The following CCNC variants were observed in gnomAD, a reference collection of about 807,000 sequenced individuals.
The protein encoded by CCNC is cyclin C, also known as cyclin-C.
Under a neutral mutation model 50.0 loss-of-function variants are expected in CCNC, and 19 were observed. The observed-to-expected ratio is 0.38, with a 90% CI of 0.27 to 0.56. The LOEUF (loss-of-function observed/expected upper bound fraction) is 0.56. Among genes scored for constraint, CCNC ranks in the 20% least tolerant of loss-of-function variants. The pLI is 0.72. For missense variants in CCNC, 200 were observed against 327.1 expected, an observed-to-expected ratio of 0.61 and a Z score of 3.00; for synonymous variants, 93 against 103.7, an observed-to-expected ratio of 0.90 and a Z score of 0.63.
Position 99,549,586 on chromosome 6 carries a change from G to A in CCNC, c.531-11C>T. The A allele has an allele frequency of 6.5e-7, 1 of 1,547,166 alleles. No individual in the cohort carries two copies. Among genetic ancestry groups the A allele is most frequent in the Non-Finnish European group, 8.9e-7 (1 of 1,121,436 alleles). Reference sequence around the variant, plus strand: ...TCATTCACTATCCTCCTATAGAAATGTAAATCATATTATTACTGAAAGCAG... The same window carrying A: ...TCATTCACTATCCTCCTATAGAAATATAAATCATATTATTACTGAAAGCAG... On this transcript the variant is annotated splice_polypyrimidine_tract_variant and intron_variant, in intron 8 of 11. Transcript: ENST00000520429.
At chr6:99,561,816 T>C (rs1802792893) in intron 2 of CCNC, 135 bp from the exon 3 acceptor site, 2 of 580,942 alleles carry the variant, frequency 3.4e-6, no homozygotes, top group Non-Finnish European at 6.1e-6. Context: ...ACATGCTCTA[T>C]GTGAGTCACA....
chr6:99,561,336 C>G (rs774595092), intron 4 of CCNC, 31 bp downstream of exon 4: 2 of 1,471,690 alleles, frequency 1.4e-6, no homozygotes, highest in Non-Finnish European at 1.9e-6. Flanking sequence ...ATTGACTACA[C>G]TTTGATGAAG....
Position 99,551,901 on chromosome 6 carries a change from G to T in CCNC, c.347-6C>A. The stretch of plus-strand genomic sequence containing the variant: ...ATATGAAAATCTAGTTTTTACTGCA[G>T]AAAATAAAAAAAAAATTTAAACTGA... On this transcript the variant is annotated splice_polypyrimidine_tract_variant and splice_region_variant and intron_variant, in intron 5 of 11. Coordinates refer to ENST00000520429, the MANE Select transcript of CCNC (RefSeq NM_005190.4). 1 of 1,401,806 alleles carries T rather than the reference G, an allele frequency of 7.1e-7. No individual in the cohort carries two copies. Among genetic ancestry groups the T allele is most frequent in the South Asian group, 1.4e-5 (1 of 70,546 alleles). 86.8% of individuals were successfully genotyped at this position (1,401,806 alleles called of 1,614,324 possible). A position where few individuals can be genotyped will look rare whatever the true frequency, so the allele number is the denominator to read the frequency against.
chr6:99,543,666 C>T (rs1801959824), intron 11 of CCNC, 57 bp from the exon 12 acceptor site: 1 of 1,598,132 alleles, frequency 6.3e-7, no homozygotes, highest in Admixed American at 1.7e-5. Context: ...ATTTTTACAC[C>T]CTGATAAGCC....
At chr6:99,561,554 C>T (rs745642837) in intron 3 of CCNC, 43 bp downstream of exon 3, 4 of 1,445,980 alleles carry the variant, frequency 2.8e-6, no homozygotes, top group East Asian at 4.6e-5. Flanking sequence ...GGTTCATCAA[C>T]ATTAGATAAG....
rs114389754 is a variant in CCNC at position 99,550,943 on chromosome 6, C to T, written c.438+50G>A. The T allele has an allele frequency of 1.6e-3, 1,494 of 907,938 alleles. 23 individuals are homozygous for T. In the African/African-American group the frequency reaches 0.023, roughly 14 times the overall value. 56.2% of individuals were successfully genotyped at this position (907,938 alleles called of 1,614,324 possible). A position where few individuals can be genotyped will look rare whatever the true frequency, so the allele number is the denominator to read the frequency against. On this transcript the variant is annotated intron_variant, in intron 7 of 11. Coordinates refer to ENST00000520429, the MANE Select transcript of CCNC (RefSeq NM_005190.4). ...CATTTCTTTAAATAATTTCCAACTT[C>T]ATTTAATTTAAAAATGTTTTAATCT...
intron 1 of CCNC, chr6:99,567,969 C>G (rs1250611584): frequency 6.5e-6 from 1 of 153,980 alleles, no homozygotes; most frequent in African/African-American, 2.4e-5. Context: ...AAAACTCCAT[C>G]TAGACATAAA....
At chr6:99,555,051 T>A (rs1802457087) in intron 5 of CCNC, among the ~76,000 whole-genome samples, 1 of 152,246 alleles carries the variant, frequency 6.6e-6, no homozygotes, top group Admixed American at 6.5e-5. Flanking sequence ...CTCAAACATT[T>A]GCTATTGATT....
At chr6:99,550,155 T>A in intron 8 of CCNC, 63 bp downstream of exon 8, 1 of 1,163,998 alleles carries the variant, frequency 8.6e-7, no homozygotes, top group Non-Finnish European at 1.3e-6. Flanking sequence ...TAACTTCATA[T>A]TTAATTGTCA....
At chr6:99,545,067 T>C in intron 11 of CCNC, 45 bp downstream of exon 11, 1 of 901,300 alleles carries the variant, frequency 1.1e-6, no homozygotes. Flanking sequence ...ATAGTAAGTA[T>C]GATATATGAT....
At chr6:99,547,754 C>G (rs1055912923) in intron 9 of CCNC, among the ~76,000 whole-genome samples, 1 of 152,196 alleles carries the variant, frequency 6.6e-6, no homozygotes, top group Non-Finnish European at 1.5e-5. Flanking sequence ...GGTGAAACCA[C>G]TAGCCTAGCT....
Position 99,558,515 on chromosome 6 carries a change from C to T in CCNC, c.328G>A (p.Ala110Thr). The T allele has an allele frequency of 6.2e-7, 1 of 1,608,536 alleles. No individual in the cohort carries two copies. The highest frequency in any genetic ancestry group is 8.5e-7 in the Non-Finnish European group (1 of 1,178,032). Residue 110 changes from alanine to threonine, a missense_variant, in exon 5 of 12, where the codon GCT (alanine) becomes ACT (threonine). Physicochemically the swap from Ala to Thr is moderately conservative, Grantham distance 58. Transcript: ENST00000520429. ...FGVVSNTRLI[A>T]AATSVLKTRF... ...CACTTACATACAGAAGTAGCAGCAG[C>T]AATCAATCTTGTATTTGAAACTACT...
At chr6:99,568,704 C>T (rs995506531), upstream of CCNC, 20 of 1,457,068 alleles carry the variant, frequency 1.4e-5, no homozygotes, top group Non-Finnish European at 4.5e-6. Flanking sequence ...TCACGCCGGC[C>T]GACAACACTC....
intron 8 of CCNC, among the ~76,000 whole-genome samples, chr6:99,549,888 A>G (rs1219548806): frequency 2.0e-5 from 3 of 152,318 alleles, no homozygotes; most frequent in East Asian, 3.9e-4. Context: ...CAGAAATTAT[A>G]CAGTAAATTT....
chr6:99,553,571 CCTG>C (rs762112382), intron 5 of CCNC, among the ~76,000 whole-genome samples: 7 of 152,144 alleles, frequency 4.6e-5, no homozygotes, highest in South Asian at 2.1e-4. Flanking sequence ...ATTGATAACT[CCTG>C]CTATTTTTTT....
At chr6:99,559,966 C>T (rs1352043535) in intron 4 of CCNC, among the ~76,000 whole-genome samples, 1 of 151,896 alleles carries the variant, frequency 6.6e-6, no homozygotes, top group East Asian at 1.9e-4. Context: ...GTGATCCACC[C>T]GCCTGAGCCT....
At chr6:99,561,507 TC>T in intron 3 of CCNC, 71 bp from the exon 4 acceptor site, 1 of 1,352,104 alleles carries the variant, frequency 7.4e-7, no homozygotes, top group Non-Finnish European at 1.0e-6. Context: ...TCAAGATAAC[TC>T]TATGGTAGAC....
At chr6:99,568,798 G>T, upstream of CCNC, 1 of 1,035,334 alleles carries the variant, frequency 9.7e-7, no homozygotes, top group Non-Finnish European at 1.3e-6. Flanking sequence ...ACCCTTGGAG[G>T]TGCTGAGATT....
At chr6:99,543,832 C>G (rs1193528511) in intron 11 of CCNC, 3 of 1,367,632 alleles carry the variant, frequency 2.2e-6, no homozygotes, top group Admixed American at 3.3e-5. Context: ...ATATAACAAG[C>G]ATTCTGGAAG....
Sources: gnomAD v4.1 joint callset for allele counts (sites outside exome capture counted in the v4.1 genomes callset) on GRCh38, gnomAD v4.1.1 for gene constraint, MANE v1.5 for transcripts, NCBI Gene and HGNC (gene_info 2026-07-23, HGNC 2026-07-21) for gene names.